LSM12: variants seen among roughly 807,000 people sequenced by gnomAD.
LSM12 encodes LSM12 homolog.
For synonymous variants in LSM12, 74 were observed against 87.3 expected (o/e 0.85, Z 0.85); for missense variants, 108 against 238.9 (o/e 0.45, Z 3.61).
intron 2 of LSM12, among the ~76,000 whole-genome samples, chr17:44,060,504 A>AT (rs952691531): frequency 4.6e-5 from 7 of 152,228 alleles, no homozygotes; most frequent in Non-Finnish European, 7.3e-5. Flanking sequence ...TAGCTTACTC[A>AT]TAAACATCTC....
chr17:44,059,345 T>A (rs1207416094), intron 2 of LSM12, among the ~76,000 whole-genome samples: 1 of 151,890 alleles, frequency 6.6e-6, no homozygotes, highest in Non-Finnish European at 1.5e-5. Context: ...TCCTAACACT[T>A]TAGGAGGCCG....
In LSM12 at chr17:44,051,389, CAAAAAAA is replaced by C. The variant is rs57974319; in HGVS notation, c.259-11140_259-11134del. Among the ~76,000 whole-genome samples the C allele has an allele frequency of 1.6e-3, 180 of 114,946 alleles. 1 individual carries two copies. Among genetic ancestry groups the C allele is most frequent in the East Asian group, 6.2e-3 (26 of 4,194 alleles). 75.4% of individuals were successfully genotyped at this position (114,946 alleles called of 152,430 possible). ...CTGGCGACAGAGCGAGACTCCGTCTCAAAAAAAAAAAAAAAAAAAAAAAAAAATTAGC... is the reference window on the plus strand; with the variant it reads ...CTGGCGACAGAGCGAGACTCCGTCTCAAAAAAAAAAAAAAAAAAAATTAGC... On this transcript the variant is annotated intron_variant, in intron 2 of 4. Coordinates refer to ENST00000293406, the MANE Select transcript of LSM12 (RefSeq NM_001371445.1).
intron 2 of LSM12, among the ~76,000 whole-genome samples, chr17:44,042,202 G>T (rs927566893): frequency 6.6e-6 from 1 of 151,782 alleles, no homozygotes; most frequent in Admixed American, 6.6e-5. Context: ...CAGGAGAATC[G>T]CTTGAACACG....
At chr17:44,066,674 G>T, upstream of LSM12, 2 of 1,259,472 alleles carry the variant, frequency 1.6e-6, no homozygotes, top group Non-Finnish European at 2.0e-6. Context: ...GCGACGGCGC[G>T]CACGGAGCGT....
intron 2 of LSM12, among the ~76,000 whole-genome samples, chr17:44,051,069 T>C (rs1011173951): frequency 2.6e-5 from 4 of 151,766 alleles, no homozygotes; most frequent in Non-Finnish European, 5.9e-5. Context: ...GTCAAGAGAT[T>C]GAGACCATCT....
Position 44,066,609 on chromosome 17 carries a change from G to A in LSM12, c.-22C>T, listed in dbSNP as rs772634041. 8 of 1,302,850 alleles carry A rather than the reference G, an allele frequency of 6.1e-6. No homozygotes were observed. Among genetic ancestry groups the A allele is most frequent in the African/African-American group, 1.6e-5 (1 of 64,462 alleles). 80.7% of individuals were successfully genotyped at this position (1,302,850 alleles called of 1,614,324 possible). A position where few individuals can be genotyped will look rare whatever the true frequency, so the allele number is the denominator to read the frequency against. ...CCATCTTGGGAGTGCAGCCGCGGCC[G>A]GCGGCGGCGGCGGCAGCAGCGGGCG... On this transcript the variant is annotated 5_prime_UTR_variant, in exon 1 of 5. Transcript: ENST00000293406.
intron 2 of LSM12, among the ~76,000 whole-genome samples, chr17:44,050,123 G>A (rs556322552): frequency 3.9e-5 from 6 of 152,114 alleles, no homozygotes; most frequent in Admixed American, 3.9e-4. Context: ...TTTTGAGATG[G>A]AGTTTCTCTC....
rs200239929 is a variant in LSM12 at position 44,066,622 on chromosome 17, G to A, written c.-35C>T. On this transcript the variant is annotated 5_prime_UTR_variant, in exon 1 of 5. Coordinates refer to ENST00000293406, the MANE Select transcript of LSM12 (RefSeq NM_001371445.1). ...GCAGCCGCGGCCGGCGGCGGCGGCG[G>A]CAGCAGCGGGCGAAAGCCGGGCCCC... 2 of 1,314,662 alleles carry A rather than the reference G, an allele frequency of 1.5e-6. No individual in the cohort carries two copies. Among genetic ancestry groups the A allele is most frequent in the East Asian group, 3.2e-5 (1 of 31,518 alleles). The allele number at this position is 1,314,662 out of a possible 1,614,324, so 81.4% of individuals were successfully genotyped here.
At chr17:44,039,988 GCT>G (rs2049466983) in intron 3 of LSM12, among the ~76,000 whole-genome samples, 157 bp downstream of exon 3, 1 of 152,182 alleles carries the variant, frequency 6.6e-6, no homozygotes, top group African/African-American at 2.4e-5. Context: ...TGGAAAGGGG[GCT>G]ACAGCACCTG....
intron 3 of LSM12, among the ~76,000 whole-genome samples, chr17:44,038,977 G>A (rs1433994267): frequency 6.6e-6 from 1 of 152,190 alleles, no homozygotes; most frequent in Non-Finnish European, 1.5e-5. Context: ...GGGGGGAGGC[G>A]GGGTGGAGAG....
At chr17:44,059,406 C>T (rs949535025) in intron 2 of LSM12, among the ~76,000 whole-genome samples, 6 of 152,050 alleles carry the variant, frequency 3.9e-5, no homozygotes, top group African/African-American at 9.7e-5. Context: ...CTGGTCAACA[C>T]GGCAAAACCC....
intron 1 of LSM12, among the ~76,000 whole-genome samples, chr17:44,065,838 C>A (rs554113614): frequency 1.3e-4 from 20 of 152,184 alleles, no homozygotes; most frequent in African/African-American, 3.9e-4. Flanking sequence ...TTCCAAATGA[C>A]CGAGAAGCCT....
chr17:44,045,270 C>T (rs1046115056), intron 2 of LSM12, among the ~76,000 whole-genome samples: 2 of 152,126 alleles, frequency 1.3e-5, no homozygotes, highest in East Asian at 1.9e-4. Context: ...TCGTGATCTG[C>T]CCGCCTCAGC....
intron 2 of LSM12, among the ~76,000 whole-genome samples, chr17:44,044,316 T>C (rs964497115): frequency 2.0e-5 from 3 of 152,144 alleles, no homozygotes; most frequent in Non-Finnish European, 4.4e-5. Context: ...ACACTGGTTA[T>C]AGAACAATGA....
chr17:44,050,899 T>C (rs534201914), intron 2 of LSM12, among the ~76,000 whole-genome samples: 9 of 152,160 alleles, frequency 5.9e-5, no homozygotes, highest in East Asian at 1.9e-4. Context: ...CTTTGGGAGA[T>C]AGGCGGGTGG....
intron 1 of LSM12, among the ~76,000 whole-genome samples, chr17:44,064,722 G>A (rs1300323417): frequency 7.2e-6 from 1 of 139,672 alleles, no homozygotes; most frequent in Non-Finnish European, 1.5e-5. Context: ...GACAGAGCGA[G>A]ACTCCGTCTC....
intron 3 of LSM12, among the ~76,000 whole-genome samples, chr17:44,037,938 A>G (rs1227554602): frequency 6.6e-6 from 1 of 152,234 alleles, no homozygotes; most frequent in Admixed American, 6.5e-5. Flanking sequence ...ACTAGCACTG[A>G]GTTCTGCCAT....
chr17:44,037,571 C>T (rs1294664337), intron 3 of LSM12, 33 bp from the exon 4 acceptor site: 4 of 1,572,436 alleles, frequency 2.5e-6, no homozygotes, highest in Non-Finnish European at 3.4e-6. Flanking sequence ...GAAATGTAAC[C>T]TCTTGGGGGC....
intron 3 of LSM12, among the ~76,000 whole-genome samples, chr17:44,038,369 A>G (rs1004610906): frequency 6.6e-6 from 1 of 151,654 alleles, no homozygotes; most frequent in East Asian, 1.9e-4. Context: ...AAAAAAAAAA[A>G]AAAAGAAAGG....
Sources: gnomAD v4.1 joint callset for allele counts (sites outside exome capture counted in the v4.1 genomes callset) on GRCh38, gnomAD v4.1.1 for gene constraint, MANE v1.5 for transcripts, NCBI Gene and HGNC (gene_info 2026-07-23, HGNC 2026-07-21) for gene names.